Variants in TMEM135 observed in about 807,000 individuals in gnomAD.
The protein encoded by TMEM135 is transmembrane protein 135.
TMEM135 carries 30 observed loss-of-function variants against 60.3 expected under a neutral mutation model. The observed-to-expected ratio is 0.50, with a 90% CI of 0.37 to 0.68. The LOEUF (loss-of-function observed/expected upper bound fraction) is 0.68, where lower values mean the gene tolerates loss of function less well. TMEM135 is among the 30% of genes least tolerant of loss of function. The probability of loss-of-function intolerance (pLI) is 0.00; values close to 1 mark genes in which losing one functional copy is unlikely to be tolerated. For synonymous variants in TMEM135, 190 were observed against 186.7 expected, an observed-to-expected ratio of 1.02 and a Z score of -0.14; for missense variants, 468 against 548.8, an observed-to-expected ratio of 0.85 and a Z score of 1.47.
At chr11:87,064,831 G>T (rs1393806368) in intron 1 of TMEM135, among the ~76,000 whole-genome samples, 2 of 152,198 alleles carry the variant, frequency 1.3e-5, no homozygotes, top group African/African-American at 2.4e-5. Context: ...ATTGCAGTGA[G>T]TTGAGATCAT....
intron 9 of TMEM135, 113 bp downstream of exon 9, chr11:87,306,118 A>G: frequency 5.0e-6 from 3 of 605,818 alleles, no homozygotes; most frequent in South Asian, 4.1e-5. Flanking sequence ...AATAAATGCT[A>G]TCATTCTTTG....
chr11:87,274,631 CCTCATATT>C (rs1368266948), intron 6 of TMEM135, among the ~76,000 whole-genome samples: 5 of 151,948 alleles, frequency 3.3e-5, no homozygotes, highest in Non-Finnish European at 7.4e-5. Flanking sequence ...AACTCCATGT[CCTCATATT>C]CTCATATTAA....
At chr11:87,066,727 G>A (rs529020720) in intron 1 of TMEM135, among the ~76,000 whole-genome samples, 2 of 150,088 alleles carry the variant, frequency 1.3e-5, no homozygotes, top group South Asian at 2.1e-4. Context: ...GGACTTATTC[G>A]TGTTTCTGTG....
intron 5 of TMEM135, among the ~76,000 whole-genome samples, chr11:87,231,927 T>A (rs1940896995): frequency 6.6e-6 from 1 of 150,792 alleles, no homozygotes; most frequent in Admixed American, 6.6e-5. Context: ...AGAGACCATC[T>A]AAAATGAAAC....
At chr11:87,114,638 A>G (rs899164886) in intron 4 of TMEM135, among the ~76,000 whole-genome samples, 1 of 152,152 alleles carries the variant, frequency 6.6e-6, no homozygotes, top group Non-Finnish European at 1.5e-5. Flanking sequence ...AGCTTTATAT[A>G]TTTAGTATTT....
intron 4 of TMEM135, among the ~76,000 whole-genome samples, chr11:87,092,467 A>G (rs1857229102): frequency 6.6e-6 from 1 of 152,342 alleles, no homozygotes; most frequent in South Asian, 2.1e-4. Context: ...ATTTCATTTC[A>G]GAGTGTTCAT....
intron 2 of TMEM135, among the ~76,000 whole-genome samples, chr11:87,068,463 TTC>T (rs1215348067): frequency 1.3e-5 from 2 of 152,216 alleles, no homozygotes; most frequent in African/African-American, 2.4e-5. Context: ...TTAAAATACT[TTC>T]TGTTAGTGTT....
intron 5 of TMEM135, among the ~76,000 whole-genome samples, chr11:87,166,899 A>G (rs985470319): frequency 1.3e-5 from 2 of 152,110 alleles, no homozygotes; most frequent in Admixed American, 6.5e-5. Context: ...TTTGGGCAAT[A>G]TGGCCATTTT....
intron 2 of TMEM135, among the ~76,000 whole-genome samples, chr11:87,069,287 A>C (rs1856729596): frequency 6.8e-6 from 1 of 147,446 alleles, no homozygotes; most frequent in Admixed American, 6.8e-5. Context: ...TCCGTCTCAA[A>C]AAAAAAAAAA....
At chr11:87,229,061 A>C (rs1310808986) in intron 5 of TMEM135, among the ~76,000 whole-genome samples, 1 of 152,162 alleles carries the variant, frequency 6.6e-6, no homozygotes, top group Non-Finnish European at 1.5e-5. Context: ...TTGCAGAGAG[A>C]AAACACTATT....
At chr11:87,203,023 A>T (rs1403735783) in intron 5 of TMEM135, among the ~76,000 whole-genome samples, 1 of 124,550 alleles carries the variant, frequency 8.0e-6, no homozygotes, top group Non-Finnish European at 1.6e-5. Flanking sequence ...ACAGAGTGAG[A>T]CTCCGTCTCA....
intron 5 of TMEM135, among the ~76,000 whole-genome samples, chr11:87,172,204 A>G (rs901174248): frequency 1.3e-5 from 2 of 152,154 alleles, no homozygotes; most frequent in African/African-American, 4.8e-5. Flanking sequence ...TATTTTTTAA[A>G]ATGTCCGCTG....
chr11:87,038,311 G>T, intron 1 of TMEM135, 125 bp downstream of exon 1: 6 of 1,011,974 alleles, frequency 5.9e-6, no homozygotes, highest in Non-Finnish European at 7.2e-6. Flanking sequence ...GGAGGGGTCG[G>T]AGTGTTTTGG....
chr11:87,081,545 C>G (rs181533032), intron 3 of TMEM135, among the ~76,000 whole-genome samples: 2 of 152,168 alleles, frequency 1.3e-5, no homozygotes, highest in East Asian at 3.9e-4. Context: ...TACAGTAAAA[C>G]CAAAGTAAAA....
intron 9 of TMEM135, 41 bp downstream of exon 9, chr11:87,306,046 T>C: frequency 8.4e-7 from 1 of 1,191,758 alleles, no homozygotes; most frequent in Non-Finnish European, 1.2e-6. Context: ...CAGTAGGGAA[T>C]GGGTATAGAA....
chr11:87,312,540 G>T (rs1245379123), intron 10 of TMEM135, among the ~76,000 whole-genome samples: 1 of 151,848 alleles, frequency 6.6e-6, no homozygotes, highest in African/African-American at 2.4e-5. Flanking sequence ...TAGGCTTTGT[G>T]ACCATATGGT....
intron 5 of TMEM135, among the ~76,000 whole-genome samples, chr11:87,186,176 A>AT (rs1262721163): frequency 6.6e-6 from 1 of 152,162 alleles, no homozygotes; most frequent in Non-Finnish European, 1.5e-5. Flanking sequence ...AAGTGCTGGG[A>AT]TTAAAGGCAT....
intron 5 of TMEM135, among the ~76,000 whole-genome samples, chr11:87,203,105 A>T (rs573471088): frequency 6.6e-6 from 1 of 151,432 alleles, no homozygotes. Flanking sequence ...GAGATTTCTC[A>T]TATACCCAAT....
intron 5 of TMEM135, among the ~76,000 whole-genome samples, chr11:87,222,422 CT>C (rs1379432456): frequency 6.1e-5 from 9 of 147,708 alleles, no homozygotes; most frequent in Admixed American, 1.4e-4. Context: ...GGCGTGAACC[CT>C]GGGGGGCTGA....
Sources: allele counts gnomAD v4.1 joint callset (sites outside exome capture counted in the v4.1 genomes callset), GRCh38; gene constraint gnomAD v4.1.1; transcripts MANE v1.5; gene names NCBI Gene and HGNC (gene_info 2026-07-23, HGNC 2026-07-21).